STX3: variants seen among roughly 807,000 people sequenced by gnomAD.
STX3 encodes syntaxin 3, also known as syntaxin-3.
STX3 carries 19 observed loss-of-function variants against 40.2 expected under a neutral mutation model. That is an observed-to-expected ratio of 0.47 (90% CI 0.33 to 0.69). The LOEUF is 0.69. Among genes scored for constraint, STX3 ranks in the 30% least tolerant of loss-of-function variants. The probability of loss-of-function intolerance (pLI) is 0.02; values close to 1 mark genes in which losing one functional copy is unlikely to be tolerated. For synonymous variants in STX3, 122 were observed against 132.2 expected (o/e 0.92, Z 0.53); for missense variants, 364 against 366.7 (o/e 0.99, Z 0.06).
intron 8 of STX3, among the ~76,000 whole-genome samples, 155 bp downstream of exon 8, chr11:59,793,669 G>A (rs1391335686): frequency 2.0e-5 from 3 of 152,184 alleles, no homozygotes; most frequent in Non-Finnish European, 4.4e-5. Context: ...ATGGGAAAGT[G>A]TGCATTCAAA....
rs116614470 is a variant in STX3, at chr11:59,798,928, C to T, written c.*30+1532C>T. 6.9e-3 allele frequency among the ~76,000 whole-genome samples: 1,045 copies of T among 152,250 alleles called. 9 individuals carry two copies. The highest frequency in any genetic ancestry group is 0.023 in the African/African-American group (947 of 41,530). On this transcript the variant is annotated intron_variant, in intron 10 of 10. Transcript: ENST00000337979. ...TTGTTGAGATTGTGTGTTGCTCTGT[C>T]GCCCAGGCTGGAGCGCAGTGGTGCG...
chr11:59,771,403 T>TCCCCCCCCCCCCCCCCCCCCCCCC (rs1367914976), intron 1 of STX3, among the ~76,000 whole-genome samples: 2 of 34,696 alleles, frequency 5.8e-5, no homozygotes, highest in Non-Finnish European at 1.1e-4. Context: ...TCCCCCCACC[T>TCCCCCCCCCCCCCCCCCCCCCCCC]CCCCCCCCCC....
chr11:59,782,868 G>A (rs1454901449), intron 2 of STX3, among the ~76,000 whole-genome samples: 1 of 151,602 alleles, frequency 6.6e-6, no homozygotes, highest in Non-Finnish European at 1.5e-5. Context: ...GTGTGGTGGC[G>A]GGTGCCTGTA....
intron 6 of STX3, among the ~76,000 whole-genome samples, chr11:59,792,839 A>G (rs546746605): frequency 6.6e-6 from 1 of 152,162 alleles, no homozygotes. Context: ...CTTGGACACC[A>G]TAGTGTAGTG....
In STX3 at chr11:59,773,297, A is replaced by G; in HGVS notation, c.114+3A>G. On this transcript the variant is annotated splice_donor_region_variant and intron_variant, in intron 2 of 10. Coordinates refer to ENST00000337979, the MANE Select transcript of STX3 (RefSeq NM_004177.5). ...TTATGGACGAGTTCTTTTCTGAGGT[A>G]GGCAACCTTCCTGTATTTTTTTCTA... 1 of 1,613,958 alleles carries G rather than the reference A, an allele frequency of 6.2e-7. No individual in the cohort carries two copies. The highest frequency in any genetic ancestry group is 8.5e-7 in the Non-Finnish European group (1 of 1,179,874).
At chr11:59,788,431 A>G (rs1227895872) in intron 3 of STX3, among the ~76,000 whole-genome samples, 2 of 152,216 alleles carry the variant, frequency 1.3e-5, no homozygotes, top group African/African-American at 4.8e-5. Flanking sequence ...GCTCCATACA[A>G]CCTAGGATGT....
chr11:59,773,332 A>G (rs778065887), intron 2 of STX3, 38 bp downstream of exon 2: 9 of 1,596,866 alleles, frequency 5.6e-6, no homozygotes, highest in Non-Finnish European at 7.7e-6. Flanking sequence ...AAATGTACAT[A>G]AGGAAACACT....
At chr11:59,792,783 A>G (rs1012578822) in intron 6 of STX3, among the ~76,000 whole-genome samples, 4 of 151,794 alleles carry the variant, frequency 2.6e-5, no homozygotes, top group African/African-American at 9.7e-5. Flanking sequence ...TAAGGTTAGG[A>G]TGGATTGAGG....
chr11:59,789,442 C>CTT lies in STX3; in HGVS notation c.289+510_289+511dup, dbSNP rs113424563. ...GTCTTATTTCCCTGGCAACTACATA[C>CTT]TTTTTTTTTTTTTTTTAAGACAGAA... On this transcript the variant is annotated intron_variant, in intron 4 of 10. Transcript: ENST00000337979. Among the ~76,000 whole-genome samples the CTT allele has an allele frequency of 5.8e-3, 819 of 141,320 alleles. 13 individuals are homozygous for CTT. Among genetic ancestry groups the CTT allele is most frequent in the African/African-American group, 0.019 (747 of 38,452 alleles). 92.7% of individuals were successfully genotyped at this position (141,320 alleles called of 152,430 possible). A position where few individuals can be genotyped will look rare whatever the true frequency, so the allele number is the denominator to read the frequency against.
chr11:59,789,038 G>A (rs780087664), intron 4 of STX3, 91 bp downstream of exon 4: 4 of 1,151,860 alleles, frequency 3.5e-6, no homozygotes, highest in Admixed American at 2.2e-5. Context: ...AACTCCTCTT[G>A]ATGGAAGTGA....
At chr11:59,768,135 G>A (rs1392038634) in intron 1 of STX3, among the ~76,000 whole-genome samples, 1 of 152,182 alleles carries the variant, frequency 6.6e-6, no homozygotes, top group Admixed American at 6.5e-5. Context: ...AAGGAGGCAG[G>A]GAAGAGGGGT....
intron 1 of STX3, among the ~76,000 whole-genome samples, chr11:59,765,943 A>G (rs75799180): frequency 0.092 from 14,023 of 152,280 alleles, 845 homozygotes; most frequent in African/African-American, 0.16. Flanking sequence ...TTTGGAGAAG[A>G]GAAGGTGCAA....
intron 2 of STX3, among the ~76,000 whole-genome samples, chr11:59,776,839 T>C (rs374236945): frequency 2.0e-5 from 3 of 152,222 alleles, no homozygotes; most frequent in East Asian, 1.9e-4. Context: ...AGCCAGAGCC[T>C]GGTAAATGAT....
At chr11:59,788,148 A>T (rs1289275516) in intron 3 of STX3, among the ~76,000 whole-genome samples, 1 of 152,142 alleles carries the variant, frequency 6.6e-6, no homozygotes, top group Non-Finnish European at 1.5e-5. Context: ...GCCAACTCAC[A>T]GTCCTTGAGA....
chr11:59,767,754 C>G (rs1378532835), intron 1 of STX3, among the ~76,000 whole-genome samples: 1 of 152,190 alleles, frequency 6.6e-6, no homozygotes, highest in East Asian at 1.9e-4. Context: ...GGGTTCTATT[C>G]CTTTCTGTGT....
chr11:59,781,776 A>G, intron 2 of STX3: 1 of 1,522,724 alleles, frequency 6.6e-7, no homozygotes, highest in Non-Finnish European at 8.9e-7. Context: ...TAAAGCAAAG[A>G]AGCAAACAAA....
At chr11:59,786,971 G>C in intron 2 of STX3, 66 bp from the exon 3 acceptor site, 1 of 1,427,344 alleles carries the variant, frequency 7.0e-7, no homozygotes, top group Non-Finnish European at 9.8e-7. Context: ...TCTGCCAAAC[G>C]TTTATCTCAG....
At chr11:59,755,732 G>C in intron 1 of STX3, 97 bp downstream of exon 1, 1 of 1,414,122 alleles carries the variant, frequency 7.1e-7, no homozygotes, top group East Asian at 2.8e-5. Context: ...GGGGGCCCGA[G>C]CCGGAGGCTT....
At chr11:59,780,666 A>T (rs1677621926) in intron 2 of STX3, among the ~76,000 whole-genome samples, 1 of 152,138 alleles carries the variant, frequency 6.6e-6, no homozygotes, top group African/African-American at 2.4e-5. Flanking sequence ...GGTCCCCATC[A>T]GACAGCTCTG....
Sources: gnomAD v4.1 joint callset for allele counts (sites outside exome capture counted in the v4.1 genomes callset) on GRCh38, gnomAD v4.1.1 for gene constraint, MANE v1.5 for transcripts, NCBI Gene and HGNC (gene_info 2026-07-23, HGNC 2026-07-21) for gene names.